AUTS2: variants seen among roughly 807,000 people sequenced by gnomAD.
AUTS2 encodes the protein autism susceptibility gene 2 protein.
A neutral mutation model predicts 112.4 loss-of-function variants in AUTS2; 17 were observed. The ratio of observed to expected loss-of-function variants is 0.15; its 90% CI spans 0.10 to 0.23. The LOEUF is 0.23. AUTS2 is among the 10% of genes least tolerant of loss of function. AUTS2 has a pLI of 1.00. For synonymous variants in AUTS2, 751 were observed against 702.7 expected (o/e 1.07, Z -1.09); for missense variants, 1,510 against 1,701.6 (o/e 0.89, Z 1.98).
At chr7:70,163,947 A>T (rs1000181385) in intron 4 of AUTS2, among the ~76,000 whole-genome samples, 1 of 152,120 alleles carries the variant, frequency 6.6e-6, no homozygotes, top group African/African-American at 2.4e-5. Context: ...AGAGCCTTCA[A>T]CCATAACAAA....
chr7:69,700,084 A>G (rs1797741989), intron 1 of AUTS2, among the ~76,000 whole-genome samples: 1 of 152,158 alleles, frequency 6.6e-6, no homozygotes, highest in South Asian at 2.1e-4. Flanking sequence ...TTATATTCCC[A>G]TCTGTTTAAG....
chr7:69,993,466 C>G (rs1798820487), intron 2 of AUTS2, among the ~76,000 whole-genome samples: 1 of 152,126 alleles, frequency 6.6e-6, no homozygotes. Flanking sequence ...ATATATGTTA[C>G]TAGGCTAGGC....
At chr7:70,143,969 C>T (rs925891583) in intron 4 of AUTS2, among the ~76,000 whole-genome samples, 1 of 152,058 alleles carries the variant, frequency 6.6e-6, no homozygotes, top group Non-Finnish European at 1.5e-5. Context: ...CCCAGACCAA[C>T]AAATGACTAC....
intron 2 of AUTS2, among the ~76,000 whole-genome samples, chr7:69,963,117 G>T (rs142132485): frequency 6.6e-6 from 1 of 152,058 alleles, no homozygotes; most frequent in Non-Finnish European, 1.5e-5. Context: ...AAAAAGGTGG[G>T]TGGGAAATGG....
intron 9 of AUTS2, among the ~76,000 whole-genome samples, chr7:70,767,231 C>CCTCT (rs1790000935): frequency 6.6e-6 from 1 of 152,220 alleles, no homozygotes; most frequent in African/African-American, 2.4e-5. Flanking sequence ...AACTTTGCTT[C>CCTCT]CTCTCCTTCC....
intron 4 of AUTS2, among the ~76,000 whole-genome samples, chr7:70,388,745 T>G (rs1187964280): frequency 6.6e-6 from 1 of 152,238 alleles, no homozygotes; most frequent in East Asian, 1.9e-4. Flanking sequence ...CTGGGCAGTT[T>G]TAATGACTTA....
intron 1 of AUTS2, among the ~76,000 whole-genome samples, chr7:69,715,503 G>T (rs1425587314): frequency 6.6e-6 from 1 of 152,130 alleles, no homozygotes; most frequent in African/African-American, 2.4e-5. Flanking sequence ...GAGGAGACTT[G>T]GTTACTTGGT....
chr7:70,546,207 G>A (rs369460943), intron 5 of AUTS2, among the ~76,000 whole-genome samples: 1 of 152,138 alleles, frequency 6.6e-6, no homozygotes, highest in Non-Finnish European at 1.5e-5. Context: ...ACTTTGGGAG[G>A]CTGAGGAATG....
chr7:70,482,700 C>G (rs1585198139), intron 5 of AUTS2, among the ~76,000 whole-genome samples: 1 of 152,238 alleles, frequency 6.6e-6, no homozygotes, highest in Non-Finnish European at 1.5e-5. Flanking sequence ...AGTGCTTATC[C>G]CAACGTCTCC....
In AUTS2 at chr7:70,699,712, G is replaced by A. The variant is rs77039724; in HGVS notation, c.742+1092G>A. On this transcript the variant is annotated intron_variant, in intron 6 of 18. Transcript: ENST00000342771. ...TTTTATTGCATAATGGAGTATTCCA[G>A]TTTTATATTTCATCATATTTTCTGA... Among the ~76,000 whole-genome samples, 4 of 152,216 alleles carry A rather than the reference G, an allele frequency of 2.6e-5. No homozygotes were observed. The South Asian group carries it at 8.3e-4, about 32-fold the overall frequency.
intron 4 of AUTS2, among the ~76,000 whole-genome samples, chr7:70,325,812 C>T (rs1403786916): frequency 6.6e-6 from 1 of 152,126 alleles, no homozygotes; most frequent in Non-Finnish European, 1.5e-5. Context: ...GAGGGCAAGC[C>T]TTATCAAGCT....
At chr7:70,560,573 A>G (rs2129523148) in intron 5 of AUTS2, among the ~76,000 whole-genome samples, 2 of 152,384 alleles carry the variant, frequency 1.3e-5, no homozygotes, top group Admixed American at 1.3e-4. Context: ...AACACTTCAT[A>G]AATGAACAAA....
intron 1 of AUTS2, among the ~76,000 whole-genome samples, chr7:69,815,801 T>A (rs1790733720): frequency 6.6e-6 from 1 of 152,186 alleles, no homozygotes; most frequent in Non-Finnish European, 1.5e-5. Context: ...GTGTGACTAC[T>A]TTTTTAAATG....
At chr7:69,989,906 A>T (rs771628968) in intron 2 of AUTS2, among the ~76,000 whole-genome samples, 2 of 152,028 alleles carry the variant, frequency 1.3e-5, no homozygotes, top group Non-Finnish European at 2.9e-5. Context: ...CGTTTGAGGG[A>T]TCTAGGTTGC....
rs779751886 is a variant in AUTS2, at chr7:70,559,143, GC to G, written c.690+123364del. ...TGCACATGCTCCCTCTTTGCCTGCC[GC>G]CATGTAAGATGTGCCTTTGCTCTTC... is the stretch of plus-strand genomic sequence containing the variant. On this transcript the variant is annotated intron_variant, in intron 5 of 18. Transcript: ENST00000342771. Among the ~76,000 whole-genome samples, 9 of 152,188 alleles carry G rather than the reference GC, an allele frequency of 5.9e-5. No individual in the cohort carries two copies. The South Asian group carries it at 1.9e-3, about 32-fold the overall frequency.
intron 2 of AUTS2, among the ~76,000 whole-genome samples, chr7:70,095,426 T>C (rs1001717294): frequency 2.0e-5 from 3 of 152,214 alleles, no homozygotes; most frequent in Non-Finnish European, 4.4e-5. Flanking sequence ...ATCATGCTTC[T>C]GACCCATTAG....
chr7:70,090,005 A>AAAAC (rs1554307456), intron 2 of AUTS2, among the ~76,000 whole-genome samples: 174 of 120,296 alleles, frequency 1.4e-3, no homozygotes, highest in African/African-American at 3.1e-3. Flanking sequence ...AGACTGTTTC[A>AAAAC]AAACAAATAA....
chr7:70,027,791 C>T (rs938548183), intron 2 of AUTS2, among the ~76,000 whole-genome samples: 1 of 152,132 alleles, frequency 6.6e-6, no homozygotes, highest in Admixed American at 6.5e-5. Flanking sequence ...GCAGTTTAAA[C>T]CTAGATCGAC....
intron 5 of AUTS2, among the ~76,000 whole-genome samples, chr7:70,473,136 G>A (rs569391167): frequency 3.3e-5 from 5 of 152,280 alleles, no homozygotes; most frequent in South Asian, 2.1e-4. Flanking sequence ...TAGGGAAGAC[G>A]GGAAGGACGG....
Sources: gnomAD v4.1 joint callset for allele counts (sites outside exome capture counted in the v4.1 genomes callset) on GRCh38, gnomAD v4.1.1 for gene constraint, MANE v1.5 for transcripts, NCBI Gene and HGNC (gene_info 2026-07-23, HGNC 2026-07-21) for gene names.